Variants in GAB2 observed in about 807,000 individuals in gnomAD.
GAB2 encodes GRB2-associated-binding protein 2.
Under a neutral mutation model 65.5 loss-of-function variants are expected in GAB2, and 26 were observed. That is an observed-to-expected ratio of 0.40 (90% confidence interval 0.29 to 0.55). GAB2 has a LOEUF of 0.55. Ranked by LOEUF, GAB2 falls within the 20% of genes least tolerant of loss-of-function variation. The pLI, the probability that GAB2 is intolerant of heterozygous loss-of-function variation, is 0.53. For missense variants in GAB2, 884 were observed against 875.8 expected (o/e 1.01, Z -0.12); for synonymous variants, 321 against 329.6 (o/e 0.97, Z 0.28).
chr11:78,377,742 C>T (rs756854102), intron 1 of GAB2, among the ~76,000 whole-genome samples: 6 of 152,186 alleles, frequency 3.9e-5, no homozygotes, highest in Middle Eastern at 3.4e-3. Context: ...GAGATGCAAT[C>T]GGCTCATACC....
At chr11:78,221,999 G>A (rs146921520) in intron 7 of GAB2, 106 bp downstream of exon 7, 54 of 792,370 alleles carry the variant, frequency 6.8e-5, no homozygotes, top group African/African-American at 5.7e-4. Context: ...TAATGATAGC[G>A]TTAGCATCAG....
At chr11:78,366,925 C>T (rs1856505834) in intron 1 of GAB2, among the ~76,000 whole-genome samples, 4 of 152,100 alleles carry the variant, frequency 2.6e-5, no homozygotes, top group Admixed American at 2.6e-4. Context: ...TAAAAACCCA[C>T]TAACCATCCA....
intron 1 of GAB2, among the ~76,000 whole-genome samples, chr11:78,411,691 T>C (rs914745840): frequency 6.6e-6 from 1 of 151,510 alleles, no homozygotes; most frequent in Non-Finnish European, 1.5e-5. Flanking sequence ...TCACAGTGGA[T>C]CACGGACTTA....
chr11:78,281,313 T>A (rs1233512497), intron 1 of GAB2, among the ~76,000 whole-genome samples: 2 of 151,992 alleles, frequency 1.3e-5, no homozygotes, highest in African/African-American at 4.8e-5. Flanking sequence ...TGGCATGATC[T>A]TGGCTCACTG....
chr11:78,375,871 T>C (rs1172510166), intron 1 of GAB2, among the ~76,000 whole-genome samples: 1 of 152,170 alleles, frequency 6.6e-6, no homozygotes, highest in Non-Finnish European at 1.5e-5. Flanking sequence ...ACACAGACTC[T>C]CCATTGGCTT....
chr11:78,293,726 C>T (rs1866743925), intron 1 of GAB2, among the ~76,000 whole-genome samples: 1 of 152,106 alleles, frequency 6.6e-6, no homozygotes, highest in Non-Finnish European at 1.5e-5. Context: ...TTTTGTGTTA[C>T]TCAAACTGGC....
chr11:78,240,434 A>G (rs1253360759), intron 3 of GAB2, among the ~76,000 whole-genome samples: 1 of 152,112 alleles, frequency 6.6e-6, no homozygotes, highest in South Asian at 2.1e-4. Context: ...ACCCTGCCCT[A>G]CAGGCCAAAC....
At chr11:78,262,514 AG>A (rs2134547817) in intron 2 of GAB2, among the ~76,000 whole-genome samples, 1 of 152,258 alleles carries the variant, frequency 6.6e-6, no homozygotes, top group African/African-American at 2.4e-5. Context: ...TCTGTCGCAG[AG>A]GGTACAAAAA....
chr11:78,407,671 A>AAGAAAGAAAGAGATGGC lies in GAB2; in HGVS notation c.75+9974_75+9975insGCCATCTCTTTCTTTCT, dbSNP rs1555001693. ...AAAGAAAGAAAGTAAGAAAGAAAGAAAGAAAGAAAGAAAGAAAGAAAGAAA... is the reference window on the plus strand; with the variant it reads ...AAAGAAAGAAAGTAAGAAAGAAAGAAAGAAAGAAAGAGATGGCAGAAAGAAAGAAAGAAAGAAAGAAA... On this transcript the variant is annotated intron_variant, in intron 1 of 9. Transcript: ENST00000361507. Among the ~76,000 whole-genome samples the AAGAAAGAAAGAGATGGC allele has an allele frequency of 1.9e-3, 286 of 147,260 alleles. 1 individual carries two copies. The highest frequency in any genetic ancestry group is 7.3e-3 in the African/African-American group (278 of 37,908).
chr11:78,290,708 C>T (rs116081787), intron 1 of GAB2, among the ~76,000 whole-genome samples: 3,069 of 152,240 alleles, frequency 0.02, 92 homozygotes, highest in African/African-American at 0.07. Flanking sequence ...TATAAAGGGC[C>T]GCCAATATGT....
At chr11:78,252,128 A>G (rs183285696) in intron 2 of GAB2, among the ~76,000 whole-genome samples, 121 of 152,344 alleles carry the variant, frequency 7.9e-4, no homozygotes, top group Middle Eastern at 3.4e-3. Context: ...CATCTGACCT[A>G]TCTCAGGCTG....
chr11:78,221,399 G>C (rs473102), intron 8 of GAB2, among the ~76,000 whole-genome samples: 6 of 152,200 alleles, frequency 3.9e-5, no homozygotes, highest in African/African-American at 1.4e-4. Flanking sequence ...CAAGGGCACA[G>C]ATCATGCCAC....
At chr11:78,409,169 A>G (rs528552934) in intron 1 of GAB2, among the ~76,000 whole-genome samples, 1 of 152,228 alleles carries the variant, frequency 6.6e-6, no homozygotes, top group Non-Finnish European at 1.5e-5. Flanking sequence ...AGATACTTGT[A>G]TAATATATCA....
chr11:78,293,354 C>T (rs1866732150), intron 1 of GAB2, among the ~76,000 whole-genome samples: 2 of 152,160 alleles, frequency 1.3e-5, no homozygotes, highest in Non-Finnish European at 2.9e-5. Context: ...ATTTATTTAG[C>T]ACAGGACTTG....
At chr11:78,233,971 T>A (rs1175413303) in intron 3 of GAB2, among the ~76,000 whole-genome samples, 1 of 152,232 alleles carries the variant, frequency 6.6e-6, no homozygotes, top group African/African-American at 2.4e-5. Context: ...AAAGACTACT[T>A]CACCAAAAAC....
intron 2 of GAB2, among the ~76,000 whole-genome samples, chr11:78,277,243 G>A (rs930294539): frequency 6.6e-6 from 1 of 152,140 alleles, no homozygotes; most frequent in African/African-American, 2.4e-5. Flanking sequence ...TTTGGTTTTT[G>A]GTTACATTTT....
intron 1 of GAB2, among the ~76,000 whole-genome samples, chr11:78,365,607 T>G (rs1010556131): frequency 6.6e-6 from 1 of 152,108 alleles, no homozygotes; most frequent in South Asian, 2.1e-4. Flanking sequence ...CAGTCACTGA[T>G]TGGGATTGAT....
intron 1 of GAB2, among the ~76,000 whole-genome samples, chr11:78,354,937 C>A (rs953367972): frequency 6.6e-6 from 1 of 152,180 alleles, no homozygotes; most frequent in Non-Finnish European, 1.5e-5. Flanking sequence ...AACAGCCTGG[C>A]GGCTCCCCAG....
In GAB2 at chr11:78,360,814, T is replaced by C. The variant is rs114720246; in HGVS notation, c.75+56832A>G. On this transcript the variant is annotated intron_variant, in intron 1 of 9. Coordinates refer to ENST00000361507, the MANE Select transcript of GAB2 (RefSeq NM_080491.3). Reference sequence around the variant, plus strand: ...GCGGCAGTTGCAGTGAGCCAAGATCTTGTCACTGCAGTCCAACCTGGGCAA... The same window carrying C: ...GCGGCAGTTGCAGTGAGCCAAGATCCTGTCACTGCAGTCCAACCTGGGCAA... Among the ~76,000 whole-genome samples the C allele has an allele frequency of 7.8e-3, 1,186 of 152,112 alleles. 14 individuals carry two copies. The highest frequency in any genetic ancestry group is 0.027 in the African/African-American group (1,124 of 41,514).
Sources: allele counts gnomAD v4.1 joint callset (sites outside exome capture counted in the v4.1 genomes callset), GRCh38; gene constraint gnomAD v4.1.1; transcripts MANE v1.5; gene names NCBI Gene and HGNC (gene_info 2026-07-23, HGNC 2026-07-21).